CNTN3: variants seen among roughly 807,000 people sequenced by gnomAD.
CNTN3 encodes the protein contactin-3.
CNTN3 carries 60 observed loss-of-function variants against 119.1 expected under a neutral mutation model. The ratio of observed to expected loss-of-function variants is 0.50; its 90% confidence interval spans 0.41 to 0.62. The LOEUF (loss-of-function observed/expected upper bound fraction) is 0.62, where lower values mean the gene tolerates loss of function less well. CNTN3 is among the 20% of genes least tolerant of loss of function. The pLI, the probability that CNTN3 is intolerant of heterozygous loss-of-function variation, is 0.00. For missense variants in CNTN3, 1,101 were observed against 1,242.4 expected (o/e 0.89, Z 1.71); for synonymous variants, 450 against 438.7 (o/e 1.03, Z -0.32).
chr3:74,393,427 A>G (rs143373177), intron 5 of CNTN3, among the ~76,000 whole-genome samples: 32 of 152,324 alleles, frequency 2.1e-4, no homozygotes, highest in African/African-American at 7.2e-4. Flanking sequence ...AAACTTTTTA[A>G]TTTCCTCCTC....
intron 19 of CNTN3, among the ~76,000 whole-genome samples, chr3:74,287,804 C>A (rs1702143297): frequency 6.6e-6 from 1 of 152,138 alleles, no homozygotes; most frequent in Non-Finnish European, 1.5e-5. Flanking sequence ...CAATGCTGAG[C>A]CACCATTTGG....
intron 20 of CNTN3, among the ~76,000 whole-genome samples, chr3:74,277,927 C>G (rs929830162): frequency 6.6e-6 from 1 of 151,562 alleles, no homozygotes; most frequent in Non-Finnish European, 1.5e-5. Context: ...TTTCCAGATA[C>G]AAGATTAAGG....
At position 74,532,088 on chromosome 3, in the gene CNTN3, A is replaced by C. The variant is rs138352712; in HGVS notation, c.-80-10896T>G. 5.5e-3 allele frequency among the ~76,000 whole-genome samples: 840 copies of C among 152,092 alleles called. 1 individual carries two copies. The highest frequency in any genetic ancestry group is 8.6e-3 in the Non-Finnish European group (585 of 67,940). On this transcript the variant is annotated intron_variant, in intron 1 of 22. Transcript: ENST00000263665. ...GGAGAGAAAATTAATTTGCTAAATA[A>C]ATGCTTTTCGTGATGTTATCAAGCC...
intron 4 of CNTN3, among the ~76,000 whole-genome samples, chr3:74,471,361 C>T (rs540590641): frequency 1.5e-4 from 23 of 152,196 alleles, no homozygotes; most frequent in African/African-American, 5.3e-4. Context: ...AAGAAAAATA[C>T]TCCACATTCC....
At chr3:74,569,270 A>G (rs2106646681) in intron 1 of CNTN3, among the ~76,000 whole-genome samples, 1 of 152,294 alleles carries the variant, frequency 6.6e-6, no homozygotes, top group South Asian at 2.1e-4. Flanking sequence ...AATGCCTGGG[A>G]ATTACACCTC....
intron 1 of CNTN3, among the ~76,000 whole-genome samples, chr3:74,554,641 T>C (rs1009085870): frequency 1.8e-4 from 27 of 152,362 alleles, no homozygotes; most frequent in Admixed American, 1.5e-3. Context: ...ACATCCCTTG[T>C]AAGTTGGACT....
intron 22 of CNTN3, 114 bp from the exon 23 acceptor site, chr3:74,264,615 C>G: frequency 3.4e-6 from 2 of 596,680 alleles, no homozygotes. Context: ...AATCCTAACC[C>G]TCAATGTCAG....
chr3:74,557,372 G>C (rs1422874198), intron 1 of CNTN3, among the ~76,000 whole-genome samples: 1 of 152,102 alleles, frequency 6.6e-6, no homozygotes, highest in Non-Finnish European at 1.5e-5. Context: ...TCCCATCACT[G>C]TGATGGCATT....
chr3:74,348,166 A>G (rs1398494631), intron 11 of CNTN3, among the ~76,000 whole-genome samples: 1 of 152,104 alleles, frequency 6.6e-6, no homozygotes, highest in Admixed American at 6.6e-5. Context: ...TTGCTAAGAG[A>G]GCTGATCTTA....
chr3:74,478,053 G>T (rs914951819), intron 4 of CNTN3, among the ~76,000 whole-genome samples: 3 of 152,088 alleles, frequency 2.0e-5, no homozygotes, highest in African/African-American at 4.8e-5. Flanking sequence ...GTAGGTAAGA[G>T]ATAGTCTATA....
chr3:74,361,785 C>T, intron 11 of CNTN3, 105 bp downstream of exon 11: 6 of 1,160,222 alleles, frequency 5.2e-6, no homozygotes, highest in South Asian at 1.9e-5. Context: ...ATCTCACATG[C>T]TACTGAAATG....
chr3:74,558,977 T>A (rs1364630677), intron 1 of CNTN3, among the ~76,000 whole-genome samples: 1 of 30,310 alleles, frequency 3.3e-5, no homozygotes, highest in African/African-American at 1.4e-4. Flanking sequence ...AGTGAGACCC[T>A]GTCTCAATAA....
intron 4 of CNTN3, among the ~76,000 whole-genome samples, chr3:74,425,820 T>C (rs915871555): frequency 6.6e-6 from 1 of 152,144 alleles, no homozygotes; most frequent in Non-Finnish European, 1.5e-5. Context: ...AAGTCCTATT[T>C]TTCCCATATT....
intron 4 of CNTN3, among the ~76,000 whole-genome samples, chr3:74,480,989 A>T (rs1441782419): frequency 6.6e-6 from 1 of 151,948 alleles, no homozygotes; most frequent in Non-Finnish European, 1.5e-5. Flanking sequence ...GAACATAAAA[A>T]TCAGACCGTA....
At chr3:74,422,163 TA>T (rs1294078072) in intron 5 of CNTN3, among the ~76,000 whole-genome samples, 1 of 152,206 alleles carries the variant, frequency 6.6e-6, no homozygotes, top group Non-Finnish European at 1.5e-5. Flanking sequence ...AAGAAGCTCA[TA>T]AGCCAATGTG....
At position 74,522,778 on chromosome 3, in the gene CNTN3, A is replaced by C. The variant is rs573831222; in HGVS notation, c.-80-1586T>G. Among the ~76,000 whole-genome samples, 510 of 149,702 alleles carry C rather than the reference A, an allele frequency of 3.4e-3. 4 individuals carry two copies. The highest frequency in any genetic ancestry group is 0.013 in the African/African-American group (496 of 39,628). On this transcript the variant is annotated intron_variant, in intron 1 of 22. Coordinates refer to ENST00000263665, the MANE Select transcript of CNTN3 (RefSeq NM_020872.3). ...GGCAGTAAATAACTCCAGAGGTGGA[A>C]AAAGGAAAAAAAAAAGGAAAGAAAC...
Position 74,278,497 on chromosome 3 carries a change from T to C in CNTN3, c.2704+6808A>G, listed in dbSNP as rs1481919056. 3.3e-5 allele frequency among the ~76,000 whole-genome samples: 5 copies of C among 152,082 alleles called. No homozygotes were observed. In the East Asian group the frequency reaches 9.7e-4, roughly 29 times the overall value. Reference sequence around the variant, plus strand: ...ATCTCCAACAAAGGAAACAAAATCATAAAGTGGGGAAAGGACCCCCTTTTC... The same window carrying C: ...ATCTCCAACAAAGGAAACAAAATCACAAAGTGGGGAAAGGACCCCCTTTTC... On this transcript the variant is annotated intron_variant, in intron 20 of 22. Coordinates refer to ENST00000263665, the MANE Select transcript of CNTN3 (RefSeq NM_020872.3).
intron 20 of CNTN3, among the ~76,000 whole-genome samples, chr3:74,270,675 T>C (rs1701756201): frequency 6.6e-6 from 1 of 152,178 alleles, no homozygotes; most frequent in African/African-American, 2.4e-5. Flanking sequence ...GTGTAACTTC[T>C]AGGACTTCTA....
intron 1 of CNTN3, among the ~76,000 whole-genome samples, chr3:74,527,723 C>A (rs563611181): frequency 2.6e-5 from 4 of 152,014 alleles, no homozygotes; most frequent in South Asian, 2.1e-4. Context: ...TTGCTTTAAA[C>A]CTCAAATTAA....
Sources: gnomAD v4.1 joint callset for allele counts (sites outside exome capture counted in the v4.1 genomes callset) on GRCh38, gnomAD v4.1.1 for gene constraint, MANE v1.5 for transcripts, NCBI Gene and HGNC (gene_info 2026-07-23, HGNC 2026-07-21) for gene names.